The following FGF13 variants were observed in gnomAD, a reference collection of about 807,000 sequenced individuals.
FGF13 encodes fibroblast growth factor 13, also known as fibroblast growth factor homologous factor 2.
Under a neutral mutation model 19.5 loss-of-function variants are expected in FGF13, and 2 were observed. That is an observed-to-expected ratio of 0.10 (90% CI 0.04 to 0.32). The LOEUF is 0.32. Ranked by LOEUF, FGF13 falls within the 10% of genes least tolerant of loss-of-function variation. The pLI is 1.00. For missense variants in FGF13, 113 were observed against 192.7 expected (o/e 0.59, Z 2.45); for synonymous variants, 72 against 76.9 (o/e 0.94, Z 0.33).
At chrX:138,865,965 T>A (rs1032750286) in intron 1 of FGF13, among the ~76,000 whole-genome samples, 2 of 112,049 alleles carry the variant, frequency 1.8e-5, no homozygotes, top group Non-Finnish European at 3.8e-5. Flanking sequence ...TTATATAGGC[T>A]GCAATCTCAG....
At chrX:139,007,754 C>T (rs1239816872) in intron 1 of FGF13, among the ~76,000 whole-genome samples, 1 of 112,258 alleles carries the variant, frequency 8.9e-6, no homozygotes, top group Non-Finnish European at 1.9e-5. Flanking sequence ...TGAACTTTTG[C>T]TCCAAGAACA....
intron 1 of FGF13, among the ~76,000 whole-genome samples, chrX:139,040,398 G>A (rs1312134860): frequency 1.8e-5 from 2 of 112,153 alleles, no homozygotes; most frequent in African/African-American, 6.5e-5. Flanking sequence ...GGGAGAGGAG[G>A]TTAAAGATGG....
chrX:139,050,978 C>A (rs2092301943), intron 1 of FGF13, among the ~76,000 whole-genome samples: 1 of 111,931 alleles, frequency 8.9e-6, no homozygotes, highest in Admixed American at 9.5e-5. Context: ...GATAAACTTT[C>A]AACTGCCTGG....
intron 3 of FGF13, among the ~76,000 whole-genome samples, chrX:138,794,169 CCT>C (rs2090760849): frequency 8.9e-6 from 1 of 111,872 alleles, no homozygotes; most frequent in Non-Finnish European, 1.9e-5. Context: ...TGGCTTCTCA[CCT>C]TATCTGGTAA....
rs144579016 is a variant in FGF13 at position 138,823,090 on chromosome X, C to T, written c.217+34422G>A. On this transcript the variant is annotated intron_variant, in intron 3 of 6. Coordinates refer to the FGF13 transcript ENST00000436198. ...GAACAGCATGAACAGAGTCAGGAGG[C>T]GTGAAAGTTCACAGCCTCCTGATTT... is the stretch of plus-strand genomic sequence containing the variant. Among the ~76,000 whole-genome samples the T allele has an allele frequency of 9.7e-3, 1,075 of 111,376 alleles. 12 individuals are homozygous for T. The highest frequency in any genetic ancestry group is 0.033 in the African/African-American group (1,006 of 30,581).
intron 3 of FGF13, among the ~76,000 whole-genome samples, chrX:138,699,520 C>T (rs1409252702): frequency 9.0e-6 from 1 of 110,864 alleles, no homozygotes; most frequent in Non-Finnish European, 1.9e-5. Flanking sequence ...CCTCTCATCC[C>T]ATTTACTCCT....
chrX:138,835,085 T>G (rs765472501), intron 3 of FGF13, among the ~76,000 whole-genome samples: 1 of 112,008 alleles, frequency 8.9e-6, no homozygotes, highest in Non-Finnish European at 1.9e-5. Context: ...GATTACGTGA[T>G]CAATTTTAGA....
chrX:139,094,011 C>T (rs929935499), intron 1 of FGF13, among the ~76,000 whole-genome samples: 5 of 111,799 alleles, frequency 4.5e-5, no homozygotes, highest in Middle Eastern at 4.6e-3. Context: ...TGGTAGAGGA[C>T]GCCAGGGATA....
At chrX:138,850,606 A>T (rs1458559200) in intron 3 of FGF13, among the ~76,000 whole-genome samples, 1 of 111,962 alleles carries the variant, frequency 8.9e-6, no homozygotes, top group Non-Finnish European at 1.9e-5. Context: ...TCATTTTGTG[A>T]TCCTTCAGGT....
chrX:138,961,413 G>C (rs1265322224), intron 1 of FGF13, among the ~76,000 whole-genome samples: 1 of 110,922 alleles, frequency 9.0e-6, no homozygotes, highest in Non-Finnish European at 1.9e-5. Flanking sequence ...GCACCTACTG[G>C]GAGGTGTCTC....
chrX:138,633,446 G>C (rs1477434861), intron 4 of FGF13, among the ~76,000 whole-genome samples: 4 of 111,573 alleles, frequency 3.6e-5, no homozygotes, highest in African/African-American at 1.3e-4. Context: ...GGTTATGTAA[G>C]AGAGGATTAA....
chrX:139,138,978 G>A (rs2083821415), intron 1 of FGF13, among the ~76,000 whole-genome samples: 1 of 100,207 alleles, frequency 1.0e-5, no homozygotes, highest in African/African-American at 3.7e-5. Flanking sequence ...TGCCTAGGCT[G>A]GAGTGCAGTG....
chrX:139,107,782 AAGAGG>A (rs1422369914), intron 1 of FGF13, among the ~76,000 whole-genome samples: 14 of 110,917 alleles, frequency 1.3e-4, no homozygotes, highest in African/African-American at 4.6e-4. Flanking sequence ...GATGAGAAGG[AAGAGG>A]AGAGGAGAGG....
At chrX:138,788,417 T>C (rs2090712025) in intron 3 of FGF13, among the ~76,000 whole-genome samples, 1 of 112,359 alleles carries the variant, frequency 8.9e-6, no homozygotes, top group East Asian at 2.8e-4. Context: ...GGGGTGGCCA[T>C]CTTGCCCCTG....
rs755728104 is a variant in FGF13, at chrX:138,917,724, CTT to C, written c.-112-53076_-112-53075del. Among the ~76,000 whole-genome samples the C allele has an allele frequency of 4.7e-4, 52 of 111,695 alleles. 1 individual carries two copies. The highest frequency in any genetic ancestry group is 7.2e-4 in the Non-Finnish European group (38 of 53,065). On this transcript the variant is annotated intron_variant, in intron 1 of 2. Coordinates refer to the FGF13 transcript ENST00000421460. ...TCCTTGGAGTTATGCTTTATTTTTC[CTT>C]TTTTTACTTTTAAGTTGCCTTTGCT...
chrX:138,861,261 T>A (rs915798108), intron 2 of FGF13, among the ~76,000 whole-genome samples: 1 of 111,973 alleles, frequency 8.9e-6, no homozygotes, highest in Non-Finnish European at 1.9e-5. Context: ...CCTAACGTAC[T>A]CATGTTCACA....
chrX:138,959,393 T>C (rs1421436943), intron 1 of FGF13, among the ~76,000 whole-genome samples: 1 of 112,027 alleles, frequency 8.9e-6, no homozygotes, highest in Non-Finnish European at 1.9e-5. Context: ...AGACAGTTTG[T>C]TATTATTTGT....
At chrX:139,183,496 T>A (rs2084256082) in intron 1 of FGF13, among the ~76,000 whole-genome samples, 1 of 111,826 alleles carries the variant, frequency 8.9e-6, no homozygotes, top group Non-Finnish European at 1.9e-5. Flanking sequence ...GCCATCCCCA[T>A]GGTAATGAGT....
At chrX:138,927,237 C>T (rs925659933) in intron 1 of FGF13, among the ~76,000 whole-genome samples, 1 of 111,962 alleles carries the variant, frequency 8.9e-6, no homozygotes, top group African/African-American at 3.2e-5. Context: ...AGAACTGTAA[C>T]TTTTATTGTT....
Sources: gnomAD v4.1 joint callset for allele counts (sites outside exome capture counted in the v4.1 genomes callset) on GRCh38, gnomAD v4.1.1 for gene constraint, MANE v1.5 for transcripts, NCBI Gene and HGNC (gene_info 2026-07-23, HGNC 2026-07-21) for gene names.